PTBP2: variants seen among roughly 807,000 people sequenced by gnomAD.
The protein encoded by PTBP2 is polypyrimidine tract binding protein 2, also known as polypyrimidine tract-binding protein 2.
A neutral mutation model predicts 61.4 loss-of-function variants in PTBP2; 13 were observed. That is an observed-to-expected ratio of 0.21 (90% confidence interval 0.14 to 0.34). The LOEUF (loss-of-function observed/expected upper bound fraction) is 0.34, where lower values mean the gene tolerates loss of function less well. Ranked by LOEUF, PTBP2 falls within the 10% of genes least tolerant of loss-of-function variation. The pLI is 1.00. For missense variants in PTBP2, 405 were observed against 642.6 expected, an observed-to-expected ratio of 0.63 and a Z score of 4.00; for synonymous variants, 215 against 218.5, an observed-to-expected ratio of 0.98 and a Z score of 0.14.
chr1:96,753,669 A>G (rs914243358), intron 3 of PTBP2, among the ~76,000 whole-genome samples: 5 of 152,226 alleles, frequency 3.3e-5, no homozygotes, highest in African/African-American at 1.2e-4. Context: ...GACGATAAGT[A>G]TTTTAAGCTG....
chr1:96,780,336 A>G (rs1164701846), intron 7 of PTBP2, among the ~76,000 whole-genome samples: 1 of 151,810 alleles, frequency 6.6e-6, no homozygotes, highest in Non-Finnish European at 1.5e-5. Context: ...CTATAACTCT[A>G]CGTACTTTCT....
intron 3 of PTBP2, among the ~76,000 whole-genome samples, chr1:96,762,069 TC>T (rs1487447535): frequency 5.3e-5 from 8 of 150,918 alleles, no homozygotes; most frequent in Non-Finnish European, 1.0e-4. Flanking sequence ...AGGTCACAGA[TC>T]AACAGGATAA....
At chr1:96,756,847 A>G (rs575288411) in intron 3 of PTBP2, among the ~76,000 whole-genome samples, 2 of 152,342 alleles carry the variant, frequency 1.3e-5, no homozygotes, top group Non-Finnish European at 2.9e-5. Flanking sequence ...GCATGATACT[A>G]TAATGATAGA....
intron 4 of PTBP2, 38 bp from the exon 5 acceptor site, chr1:96,770,670 A>C (rs139448436): frequency 1.3e-6 from 2 of 1,537,914 alleles, no homozygotes; most frequent in Non-Finnish European, 1.8e-6. Flanking sequence ...TTTTATTTGA[A>C]TTTATAGTAT....
At chr1:96,801,564 C>T (rs188244223) in intron 8 of PTBP2, among the ~76,000 whole-genome samples, 7 of 152,132 alleles carry the variant, frequency 4.6e-5, no homozygotes, top group Admixed American at 3.3e-4. Context: ...TTAAAAAGTT[C>T]GTGGTTTTGG....
At chr1:96,739,099 C>T (rs982984807) in intron 2 of PTBP2, among the ~76,000 whole-genome samples, 11 of 152,002 alleles carry the variant, frequency 7.2e-5, no homozygotes, top group Non-Finnish European at 1.5e-4. Flanking sequence ...GGGCAGTGTA[C>T]CAAAATAGAG....
chr1:96,747,827 G>A (rs994343600), intron 2 of PTBP2, among the ~76,000 whole-genome samples: 3 of 151,510 alleles, frequency 2.0e-5, no homozygotes, highest in Non-Finnish European at 4.4e-5. Context: ...GTTGATGTGT[G>A]ATTGTGCTCT....
At chr1:96,770,631 A>G (rs1657271389) in intron 4 of PTBP2, 77 bp from the exon 5 acceptor site, 3 of 1,214,860 alleles carry the variant, frequency 2.5e-6, no homozygotes, top group Non-Finnish European at 3.5e-6. Context: ...ATTGATTAAA[A>G]TCATCTGAAT....
chr1:96,770,634 A>G (rs572426490), intron 4 of PTBP2, 74 bp from the exon 5 acceptor site: 3 of 1,233,680 alleles, frequency 2.4e-6, no homozygotes, highest in East Asian at 2.6e-5. Context: ...GATTAAAATC[A>G]TCTGAATAGA....
At chr1:96,723,961 T>G (rs889884892) in intron 2 of PTBP2, among the ~76,000 whole-genome samples, 3 of 152,226 alleles carry the variant, frequency 2.0e-5, no homozygotes, top group African/African-American at 7.2e-5. Flanking sequence ...AAGTTTTTTG[T>G]TTTTTATTAC....
intron 8 of PTBP2, among the ~76,000 whole-genome samples, chr1:96,800,914 A>G (rs948467940): frequency 1.9e-4 from 28 of 144,482 alleles, no homozygotes; most frequent in African/African-American, 7.6e-4. Context: ...AGATTTCAAG[A>G]AAAAAAAAAT....
At chr1:96,819,808 A>G (rs924671770), downstream of PTBP2, 1 of 151,576 alleles carries the variant, frequency 6.6e-6, no homozygotes, top group Non-Finnish European at 1.5e-5. Flanking sequence ...TGAAGCATTC[A>G]TGTATTTATT....
intron 3 of PTBP2, among the ~76,000 whole-genome samples, chr1:96,760,279 T>G (rs2100957726): frequency 6.6e-6 from 1 of 152,004 alleles, no homozygotes; most frequent in East Asian, 1.9e-4. Flanking sequence ...GAAAAGATAA[T>G]GTTAGTCATC....
intron 10 of PTBP2, 179 bp from the exon 11 acceptor site, chr1:96,806,684 ATTC>A: frequency 1.5e-6 from 1 of 660,782 alleles, no homozygotes; most frequent in South Asian, 2.0e-5. Flanking sequence ...ATCAAAAATT[ATTC>A]TTTTCAAAAT....
intron 2 of PTBP2, among the ~76,000 whole-genome samples, chr1:96,735,871 A>T (rs35387107): frequency 6.6e-6 from 1 of 151,948 alleles, no homozygotes; most frequent in Non-Finnish European, 1.5e-5. Context: ...TTGGTGAGCT[A>T]TATGAGTTCT....
chr1:96,748,153 T>G (rs1179503078), intron 2 of PTBP2, among the ~76,000 whole-genome samples: 2 of 152,174 alleles, frequency 1.3e-5, no homozygotes, highest in Non-Finnish European at 2.9e-5. Context: ...CTTTCTGTCA[T>G]GGTTCCCTAG....
At chr1:96,727,664 G>T (rs757354031) in intron 2 of PTBP2, among the ~76,000 whole-genome samples, 2 of 151,884 alleles carry the variant, frequency 1.3e-5, no homozygotes, top group Non-Finnish European at 2.9e-5. Context: ...ACATCTTTTC[G>T]TGTGCTTTTT....
At chr1:96,775,340 A>C (rs1657912073) in intron 5 of PTBP2, among the ~76,000 whole-genome samples, 1 of 152,248 alleles carries the variant, frequency 6.6e-6, no homozygotes, top group African/African-American at 2.4e-5. Context: ...ATGTACAAGA[A>C]AGTTCATGGA....
At chr1:96,807,568 A>C (rs1452596876) in intron 11 of PTBP2, among the ~76,000 whole-genome samples, 1 of 152,224 alleles carries the variant, frequency 6.6e-6, no homozygotes, top group Non-Finnish European at 1.5e-5. Context: ...TTGACTGTAA[A>C]TGCCAGGATG....
Sources: allele counts gnomAD v4.1 joint callset (sites outside exome capture counted in the v4.1 genomes callset), GRCh38; gene constraint gnomAD v4.1.1; transcripts MANE v1.5; gene names NCBI Gene and HGNC (gene_info 2026-07-23, HGNC 2026-07-21).